The following MYBL2 variants were observed in gnomAD, a reference collection of about 807,000 sequenced individuals.
MYBL2 encodes myb-related protein B.
Under a neutral mutation model 79.9 loss-of-function variants are expected in MYBL2, and 28 were observed. The observed-to-expected ratio is 0.35, with a 90% CI of 0.26 to 0.48. MYBL2 has a LOEUF of 0.48. MYBL2 is among the 20% of genes least tolerant of loss of function. The probability of loss-of-function intolerance (pLI) is 0.99; values close to 1 mark genes in which losing one functional copy is unlikely to be tolerated. For synonymous variants in MYBL2, 378 were observed against 361.2 expected, an observed-to-expected ratio of 1.05 and a Z score of -0.53; for missense variants, 735 against 893.9, an observed-to-expected ratio of 0.82 and a Z score of 2.27.
At chr20:43,709,346 G>A (rs1364263403) in intron 9 of MYBL2, among the ~76,000 whole-genome samples, 2 of 152,206 alleles carry the variant, frequency 1.3e-5, no homozygotes, top group South Asian at 4.1e-4. Context: ...GCTCTGGGGC[G>A]TGAGGTGCCT....
At chr20:43,690,646 G>T (rs945832149) in intron 5 of MYBL2, among the ~76,000 whole-genome samples, 4 of 152,196 alleles carry the variant, frequency 2.6e-5, no homozygotes, top group African/African-American at 7.2e-5. Context: ...TATTCTCTTA[G>T]ACTGGGTGCT....
At chr20:43,678,847 A>G in intron 2 of MYBL2, among the ~76,000 whole-genome samples, 1 of 138,464 alleles carries the variant, frequency 7.2e-6, no homozygotes. Context: ...ACAAGAGCAA[A>G]ACTCCGTCTC....
intron 5 of MYBL2, among the ~76,000 whole-genome samples, chr20:43,689,515 C>T (rs1987356186): frequency 1.3e-5 from 2 of 152,186 alleles, no homozygotes; most frequent in South Asian, 4.1e-4. Flanking sequence ...TAGTGCTCCT[C>T]TGTCGGCCTG....
intron 5 of MYBL2, among the ~76,000 whole-genome samples, chr20:43,691,257 G>A (rs140195476): frequency 1.3e-5 from 2 of 152,130 alleles, no homozygotes; most frequent in Non-Finnish European, 1.5e-5. Flanking sequence ...GGCAGGGAAG[G>A]GGGTGAGAGT....
chr20:43,686,944 C>G lies in MYBL2; in HGVS notation c.372C>G (p.Arg124=). Residue 124 remains arginine, a synonymous_variant, in exon 5 of 14, where the codon CGC becomes CGG. Coordinates refer to ENST00000217026, the MANE Select transcript of MYBL2 (RefSeq NM_002466.4). ...KGRLGKQCRE[R]WHNHLNPEVK... ...GGCTGGGGAAGCAGTGCCGTGAACG[C>G]TGGCACAACCACCTCAACCCTGAGG... The G allele has an allele frequency of 6.2e-7, 1 of 1,614,252 alleles. No individual in the cohort carries two copies. Among genetic ancestry groups the G allele is most frequent in the East Asian group, 2.2e-5 (1 of 44,892 alleles).
chr20:43,683,581 T>C (rs1045417653), intron 4 of MYBL2, among the ~76,000 whole-genome samples: 5 of 125,862 alleles, frequency 4.0e-5, no homozygotes, highest in Non-Finnish European at 6.5e-5. Context: ...TGAGACGGAG[T>C]CTTGCTTTGT....
At chr20:43,690,358 A>G (rs1415230363) in intron 5 of MYBL2, among the ~76,000 whole-genome samples, 1 of 152,104 alleles carries the variant, frequency 6.6e-6, no homozygotes, top group Non-Finnish European at 1.5e-5. Context: ...GGTATGCACC[A>G]CCACGCCTGG....
chr20:43,688,939 GC>G lies in MYBL2; in HGVS notation c.500+1869del, dbSNP rs1987342532. ...TGAGTAGCTGGGATTATAGGCGCCC[GC>G]CACCACACCTGACTAATTTTTGTAT... is the stretch of plus-strand genomic sequence containing the variant. On this transcript the variant is annotated intron_variant, in intron 5 of 13. Transcript: ENST00000217026. Among the ~76,000 whole-genome samples the G allele has an allele frequency of 3.3e-5, 5 of 152,144 alleles. 1 individual carries two copies. The highest frequency in any genetic ancestry group is 1.2e-4 in the African/African-American group (5 of 41,516).
In MYBL2 at chr20:43,711,698, G is replaced by T. The variant is rs1049122133; in HGVS notation, c.1719+97G>T. 5 of 1,032,032 alleles carry T rather than the reference G, an allele frequency of 4.8e-6. No homozygotes were observed. In the Admixed American group the frequency reaches 1.2e-4, roughly 24 times the overall value. The allele number at this position is 1,032,032 out of a possible 1,614,324, so 63.9% of individuals were successfully genotyped here. ...ACAGGTTGTAGAAAGTGAGGCGCTG[G>T]GGAGAATGGGGGCGTAGCATATCCC... On this transcript the variant is annotated intron_variant, in intron 11 of 13. Transcript: ENST00000217026.
At chr20:43,706,402 GTCA>G in intron 9 of MYBL2, among the ~76,000 whole-genome samples, 2 of 152,164 alleles carry the variant, frequency 1.3e-5, no homozygotes, top group South Asian at 2.1e-4. Flanking sequence ...ACTTCCTTGG[GTCA>G]TCATGATTCT....
At chr20:43,705,491 C>T in intron 9 of MYBL2, 133 bp downstream of exon 9, 1 of 1,073,206 alleles carries the variant, frequency 9.3e-7, no homozygotes, top group Non-Finnish European at 1.2e-6. Context: ...TTTAAGAAAG[C>T]CCTCTCCTTT....
chr20:43,685,926 A>G (rs1409391279), intron 4 of MYBL2, among the ~76,000 whole-genome samples: 1 of 152,166 alleles, frequency 6.6e-6, no homozygotes, highest in Non-Finnish European at 1.5e-5. Flanking sequence ...AATCTCAGCT[A>G]CTTGGGAGGC....
intron 2 of MYBL2, among the ~76,000 whole-genome samples, chr20:43,681,372 T>C (rs1987138558): frequency 6.6e-6 from 1 of 152,190 alleles, no homozygotes; most frequent in Non-Finnish European, 1.5e-5. Flanking sequence ...TGGTTTTGCA[T>C]GATAGATGGT....
Position 43,716,052 on chromosome 20 carries a change from C to T in MYBL2, c.2068C>T (p.Pro690Ser), listed in dbSNP as rs759018426. ...KARQLLGRLK[P>S]SHTSRTLILS Reference sequence around the variant, plus strand: ...CCGGCAGCTCCTGGGCCGCCTGAAGCCCAGCCACACATCTCGGACCCTCAT... The same window carrying T: ...CCGGCAGCTCCTGGGCCGCCTGAAGTCCAGCCACACATCTCGGACCCTCAT... The change falls in exon 14 of 14, where the codon CCC becomes TCC. Residue 690 changes from proline (P) to serine (S), a missense_variant. Pro to Ser is a moderately conservative substitution (Grantham distance 74). This residue lies in a region of MYBL2 where 204 missense variants were observed against 202.9 expected (regional missense o/e 1.01). Coordinates refer to ENST00000217026, the MANE Select transcript of MYBL2 (RefSeq NM_002466.4). The T allele has an allele frequency of 1.9e-6, 3 of 1,610,178 alleles. No individual in the cohort carries two copies. Among genetic ancestry groups the T allele is most frequent in the Non-Finnish European group, 2.5e-6 (3 of 1,179,860 alleles).
chr20:43,710,670 G>A (rs979610115), intron 10 of MYBL2, among the ~76,000 whole-genome samples: 5 of 152,180 alleles, frequency 3.3e-5, no homozygotes, highest in African/African-American at 1.2e-4. Context: ...GGTCTGCAGC[G>A]GGTCCCCCTG....
intron 5 of MYBL2, among the ~76,000 whole-genome samples, chr20:43,690,198 T>G (rs1194515149): frequency 3.3e-5 from 5 of 151,930 alleles, no homozygotes; most frequent in Admixed American, 1.3e-4. Context: ...TTTTGTTTTT[T>G]TTTTTTTGTT....
rs1006014392 is a variant in MYBL2 at position 43,702,602 on chromosome 20, T to C, written c.1064T>C (p.Val355Ala). 1 of 1,614,154 alleles carries C rather than the reference T, an allele frequency of 6.2e-7. No homozygotes were observed. The highest frequency in any genetic ancestry group is 1.3e-5 in the African/African-American group (1 of 75,036). Residue 355 changes from valine (V) to alanine (A), a missense_variant, in exon 8 of 14, where the codon GTC (valine) becomes GCC (alanine). Val to Ala is a moderately conservative substitution (Grantham distance 64). This residue lies in a region of MYBL2 where 243 missense variants were observed against 327.2 expected (regional missense o/e 0.74). Transcript: ENST00000217026. ...VQLQASHQQQ[V>A]LPPRQPSALV... Reference sequence around the variant, plus strand: ...CTGCAAGCGTCACATCAGCAGCAAGTCCTGCCACCCCGCCAGCCTTCCGCC... The same window carrying C: ...CTGCAAGCGTCACATCAGCAGCAAGCCCTGCCACCCCGCCAGCCTTCCGCC...
intron 2 of MYBL2, 39 bp from the exon 3 acceptor site, chr20:43,681,745 C>CGT (rs762566031): frequency 3.1e-6 from 5 of 1,610,000 alleles, no homozygotes; most frequent in Admixed American, 1.7e-5. Context: ...GTTTTCTGCA[C>CGT]GTATGTGTGC....
At chr20:43,679,644 G>A (rs532930066) in intron 2 of MYBL2, among the ~76,000 whole-genome samples, 11 of 152,066 alleles carry the variant, frequency 7.2e-5, no homozygotes, top group African/African-American at 2.7e-4. Context: ...GGTGGGTCAC[G>A]GTGGCTCAGG....
Sources: gnomAD v4.1 joint callset for allele counts (sites outside exome capture counted in the v4.1 genomes callset) on GRCh38, gnomAD v4.1.1 for gene constraint, gnomAD v4.1.1 regional missense constraint, MANE v1.5 for transcripts, NCBI Gene and HGNC (gene_info 2026-07-23, HGNC 2026-07-21) for gene names.